FDFT1: variants seen among roughly 807,000 people sequenced by gnomAD.
FDFT1 encodes squalene synthase.
In FDFT1, 68 loss-of-function variants were observed where a neutral mutation model predicts 46.8. That is an observed-to-expected ratio of 1.45 (90% CI 1.19 to 1.78). The LOEUF (loss-of-function observed/expected upper bound fraction) is 1.78. Ranked by LOEUF, FDFT1 falls within the 40% of genes most tolerant of loss-of-function variation. The pLI is 0.00. For synonymous variants in FDFT1, 351 were observed against 185.1 expected (o/e 1.90, Z -7.28); for missense variants, 928 against 524.4 (o/e 1.77, Z -7.52).
rs181055024 is a variant in FDFT1 at position 11,818,752 on chromosome 8, C to T, written c.382-2998C>T. Among the ~76,000 whole-genome samples the T allele has an allele frequency of 2.8e-3, 420 of 152,172 alleles. 1 individual carries two copies. Among genetic ancestry groups the T allele is most frequent in the Non-Finnish European group, 4.1e-3 (276 of 68,024 alleles). ...TATTTTGAGCCTATGTGCATCTCTG[C>T]ACGTGAGACGGGTCTCCTGAATACA... On this transcript the variant is annotated intron_variant, in intron 3 of 7. Coordinates refer to ENST00000220584, the MANE Select transcript of FDFT1 (RefSeq NM_004462.5).
chr8:11,804,753 C>G (rs1444930007), intron 1 of FDFT1, among the ~76,000 whole-genome samples: 5 of 151,832 alleles, frequency 3.3e-5, no homozygotes, highest in East Asian at 3.9e-4. Context: ...ATTACAGGCA[C>G]CTGCCACTAC....
rs1417219959 is a variant in FDFT1, at chr8:11,826,085, A to C, written c.572A>C (p.Glu191Ala). 5.6e-6 allele frequency: 9 copies of C among 1,608,728 alleles called. No homozygotes were observed. Among genetic ancestry groups the C allele is most frequent in the Non-Finnish European group, 7.7e-6 (9 of 1,175,846 alleles). Residue 191 changes from glutamate (E) to alanine (A), a missense_variant, in exon 5 of 8, where the codon GAG becomes GCG. By Grantham distance (107) the Glu-to-Ala change is moderately radical. Coordinates refer to ENST00000220584, the MANE Select transcript of FDFT1 (RefSeq NM_004462.5). Reference protein sequence around the residue: ...IGLSRLFSASEFEDPLVGEDT... With the variant: ...IGLSRLFSASAFEDPLVGEDT... ...CTTTCCCGTCTTTTCTCAGCCTCAG[A>C]GTTTGAAGACCCCTTAGTTGGTGAA...
chr8:11,803,083 C>G, intron 1 of FDFT1, 152 bp downstream of exon 1: 5 of 1,441,312 alleles, frequency 3.5e-6, no homozygotes, highest in Non-Finnish European at 4.5e-6. Flanking sequence ...CGAGCCTTCC[C>G]CCTGTAGGGC....
chr8:11,822,453 T>G (rs1164446949), intron 4 of FDFT1, among the ~76,000 whole-genome samples: 1 of 152,204 alleles, frequency 6.6e-6, no homozygotes, highest in African/African-American at 2.4e-5. Context: ...GCAGTTATCT[T>G]TGGAACTGCT....
At chr8:11,806,880 G>A (rs924883642) in intron 1 of FDFT1, among the ~76,000 whole-genome samples, 7 of 152,104 alleles carry the variant, frequency 4.6e-5, no homozygotes, top group Non-Finnish European at 8.8e-5. Context: ...TGTGCCAGAC[G>A]CTGAAGTTTA....
intron 1 of FDFT1, chr8:11,808,090 G>A (rs1170054439): frequency 4.7e-6 from 1 of 211,386 alleles, no homozygotes; most frequent in East Asian, 1.8e-4. Flanking sequence ...GCTGTCTAGG[G>A]TGATCAGATA....
At chr8:11,822,946 A>G (rs1269920859) in intron 4 of FDFT1, among the ~76,000 whole-genome samples, 2 of 152,230 alleles carry the variant, frequency 1.3e-5, no homozygotes, top group African/African-American at 4.8e-5. Context: ...TTTTGATCAG[A>G]TAAAATTGAA....
intron 1 of FDFT1, among the ~76,000 whole-genome samples, chr8:11,804,600 C>CTTTT (rs5889385): frequency 0.028 from 2,703 of 97,126 alleles, 62 homozygotes; most frequent in African/African-American, 0.043. Context: ...CTTAGTTTCT[C>CTTTT]TTTTTTTTTT....
rs1806431540 is a variant in FDFT1 at position 11,803,645 on chromosome 8, A to G, written c.99+714A>G. 6.3e-6 allele frequency: 3 copies of G among 478,280 alleles called. No homozygotes were observed. The South Asian group carries it at 7.4e-5, about 12-fold the overall frequency. 29.6% of individuals were successfully genotyped at this position (478,280 alleles called of 1,614,324 possible). The stretch of plus-strand genomic sequence containing the variant: ...GTACGCGATTATTGAATGAATAGAC[A>G]AATTCAGCCAAGTTCTTCTGGTCTG... On this transcript the variant is annotated intron_variant, in intron 1 of 7. Transcript: ENST00000220584.
upstream of FDFT1, among the ~76,000 whole-genome samples, chr8:11,798,646 G>C (rs1170578458): frequency 1.3e-5 from 2 of 152,204 alleles, no homozygotes; most frequent in African/African-American, 4.8e-5. Context: ...TTTAATGGAA[G>C]AGAGATTTAA....
intron 7 of FDFT1, among the ~76,000 whole-genome samples, chr8:11,832,464 C>T (rs1001266385): frequency 1.4e-5 from 2 of 145,350 alleles, no homozygotes; most frequent in African/African-American, 2.6e-5. Flanking sequence ...GCAGGTGGAT[C>T]ACATGAGCCT....
Position 11,824,968 on chromosome 8 carries a change from C to T in FDFT1, c.511-1056C>T, listed in dbSNP as rs570425283. Among the ~76,000 whole-genome samples the T allele has an allele frequency of 8.5e-3, 1,301 of 152,188 alleles. 20 individuals are homozygous for T. The highest frequency in any genetic ancestry group is 0.03 in the African/African-American group (1,228 of 41,520). ...GCCAGGATGGTCTTGATCTCCTGAT[C>T]TCGTGATCCGCCCGTCTCAGCTTCC... On this transcript the variant is annotated intron_variant, in intron 4 of 7. Transcript: ENST00000220584.
In FDFT1 at chr8:11,826,074, C is replaced by A. The variant is rs766029100; in HGVS notation, c.561C>A (p.Phe187Leu). The A allele has an allele frequency of 3.1e-6, 5 of 1,606,524 alleles. No individual in the cohort carries two copies. Among genetic ancestry groups the A allele is most frequent in the Non-Finnish European group, 3.4e-6 (4 of 1,174,068 alleles). ...GLVGIGLSRL[F>L]SASEFEDPLV... Reference sequence around the variant, plus strand: ...TCGGAATTGGCCTTTCCCGTCTTTTCTCAGCCTCAGAGTTTGAAGACCCCT... The same window carrying A: ...TCGGAATTGGCCTTTCCCGTCTTTTATCAGCCTCAGAGTTTGAAGACCCCT... Residue 187 changes from phenylalanine to leucine, a missense_variant, in exon 5 of 8, where the codon TTC (phenylalanine) becomes TTA (leucine). By Grantham distance (22) the Phe-to-Leu change is conservative. Transcript: ENST00000220584.
chr8:11,797,158 C>T (rs771379466), intron 1 of FDFT1, among the ~76,000 whole-genome samples: 7 of 152,184 alleles, frequency 4.6e-5, no homozygotes, highest in Non-Finnish European at 7.4e-5. Context: ...ACGGCTGCTT[C>T]GGCCCCTCCC....
chr8:11,795,708 T>A (rs1331800877), exon 1 of FDFT1: 2 of 152,154 alleles, frequency 1.3e-5, no homozygotes, highest in Non-Finnish European at 2.9e-5. Context: ...GGTTTGCAGC[T>A]TCACTCCTGA....
chr8:11,816,462 A>T (rs1808465862), intron 3 of FDFT1, among the ~76,000 whole-genome samples: 1 of 152,214 alleles, frequency 6.6e-6, no homozygotes, highest in South Asian at 2.1e-4. Context: ...CTTGGGCAGT[A>T]TAGCCATTTT....
chr8:11,803,487 C>T (rs1806412238), intron 1 of FDFT1: 10 of 1,248,228 alleles, frequency 8.0e-6, no homozygotes, highest in South Asian at 2.7e-5. Flanking sequence ...AGTTATCTAA[C>T]GTCTATGGAT....
chr8:11,820,262 C>A (rs909544751), intron 3 of FDFT1, among the ~76,000 whole-genome samples: 1 of 152,272 alleles, frequency 6.6e-6, no homozygotes, highest in African/African-American at 2.4e-5. Context: ...CTGTCGGCCC[C>A]TACTGGGAGG....
At chr8:11,809,645 A>G (rs781396737) in intron 2 of FDFT1, 22 bp from the exon 3 acceptor site, 1 of 1,573,198 alleles carries the variant, frequency 6.4e-7, no homozygotes, top group Non-Finnish European at 8.6e-7. Context: ...CCAATATATT[A>G]ATAGTTTTCC....
Sources: allele counts gnomAD v4.1 joint callset (sites outside exome capture counted in the v4.1 genomes callset), GRCh38; gene constraint gnomAD v4.1.1; transcripts MANE v1.5; gene names NCBI Gene and HGNC (gene_info 2026-07-23, HGNC 2026-07-21).